The following MAP1B variants were observed in gnomAD, a reference collection of about 807,000 sequenced individuals.
MAP1B encodes microtubule associated protein 1B.
In MAP1B, 12 loss-of-function variants were observed where a neutral mutation model predicts 176.1. The ratio of observed to expected loss-of-function variants is 0.07; its 90% CI spans 0.04 to 0.11. MAP1B has a LOEUF of 0.11. Ranked by LOEUF, MAP1B falls within the 10% of genes least tolerant of loss-of-function variation. The probability of loss-of-function intolerance (pLI) is 1.00; values close to 1 mark genes in which losing one functional copy is unlikely to be tolerated. For missense variants in MAP1B, 2,523 were observed against 2,990.5 expected (o/e 0.84, Z 3.65); for synonymous variants, 1,044 against 1,135.0 (o/e 0.92, Z 1.61).
chr5:72,192,261 A>G (rs1280938134), intron 4 of MAP1B, among the ~76,000 whole-genome samples: 2 of 152,182 alleles, frequency 1.3e-5, no homozygotes, highest in African/African-American at 4.8e-5. Context: ...TTGATGCCCT[A>G]TGTTTGCTTT....
intron 2 of MAP1B, among the ~76,000 whole-genome samples, chr5:72,170,261 G>C (rs1260661916): frequency 6.6e-6 from 1 of 152,172 alleles, no homozygotes; most frequent in Admixed American, 6.5e-5. Context: ...GTCAAAGTAT[G>C]ATTCTCCATA....
At position 72,197,928 on chromosome 5, in the gene MAP1B, A is replaced by G. The variant is rs1241842869; in HGVS notation, c.4573A>G (p.Thr1525Ala). The G allele has an allele frequency of 1.2e-6, 2 of 1,614,216 alleles. No individual in the cohort carries two copies. Among genetic ancestry groups the G allele is most frequent in the Admixed American group, 3.3e-5 (2 of 60,030 alleles). ...EDTKMSISEG[T>A]VSDKSATPVD... Reference sequence around the variant, plus strand: ...CACTAAGATGTCCATTTCTGAAGGTACTGTCTCAGACAAGTCAGCTACTCC... The same window carrying G: ...CACTAAGATGTCCATTTCTGAAGGTGCTGTCTCAGACAAGTCAGCTACTCC... Residue 1525 changes from threonine to alanine, a missense_variant, in exon 5 of 7, where the codon ACT (threonine) becomes GCT (alanine). Thr to Ala is a moderately conservative substitution (Grantham distance 58). This residue lies in a region of MAP1B where 1,925 missense variants were observed against 2,126.0 expected (regional missense o/e 0.91). Transcript: ENST00000296755.
intron 1 of MAP1B, among the ~76,000 whole-genome samples, chr5:72,111,389 G>C (rs937882595): frequency 6.6e-6 from 1 of 152,168 alleles, no homozygotes; most frequent in African/African-American, 2.4e-5. Flanking sequence ...TGAAAAGATA[G>C]ATGAATGTAA....
intron 2 of MAP1B, among the ~76,000 whole-genome samples, chr5:72,170,420 T>G (rs983674547): frequency 3.3e-5 from 5 of 152,254 alleles, no homozygotes; most frequent in Non-Finnish European, 7.3e-5. Context: ...TACCCTTTAC[T>G]AAATGTTTTA....
intron 4 of MAP1B, among the ~76,000 whole-genome samples, chr5:72,189,218 T>C (rs1746973689): frequency 6.6e-6 from 1 of 152,216 alleles, no homozygotes; most frequent in Non-Finnish European, 1.5e-5. Flanking sequence ...GGAGTCTTAA[T>C]CACTGGAGAT....
chr5:72,110,553 G>T (rs1745312066), intron 1 of MAP1B, among the ~76,000 whole-genome samples: 1 of 152,212 alleles, frequency 6.6e-6, no homozygotes, highest in Non-Finnish European at 1.5e-5. Context: ...TGCTTCAGCC[G>T]CCAGGTCTCA....
chr5:72,186,002 T>C lies in MAP1B; in HGVS notation c.370-612T>C, dbSNP rs142268178. Among the ~76,000 whole-genome samples, 290 of 152,340 alleles carry C rather than the reference T, an allele frequency of 1.9e-3. 3 individuals are homozygous for C. Among genetic ancestry groups the C allele is most frequent in the Middle Eastern group, 3.4e-3 (1 of 294 alleles). On this transcript the variant is annotated intron_variant, in intron 3 of 6. Transcript: ENST00000296755. The surrounding 1 kb of genome is among the most constrained non-coding windows in gnomAD (Gnocchi z 4.3). The stretch of plus-strand genomic sequence containing the variant: ...AAACCATGTGCAATTATCTCAAAGA[T>C]TGCTATTTAGGGGCAGCCTTTTCTT...
At chr5:72,114,359 C>T (rs184745065) in intron 1 of MAP1B, among the ~76,000 whole-genome samples, 2 of 152,266 alleles carry the variant, frequency 1.3e-5, no homozygotes, top group Non-Finnish European at 2.9e-5. Context: ...TTTATTCCTT[C>T]AAGTCTGTAT....
intron 3 of MAP1B, among the ~76,000 whole-genome samples, chr5:72,184,109 G>A (rs1746839381): frequency 6.6e-6 from 1 of 152,220 alleles, no homozygotes; most frequent in Non-Finnish European, 1.5e-5. Flanking sequence ...GGGGGTGGTG[G>A]GGAGTGCTGC....
intron 5 of MAP1B, 70 bp downstream of exon 5, chr5:72,200,437 TC>T: frequency 6.5e-7 from 1 of 1,542,592 alleles, no homozygotes; most frequent in Non-Finnish European, 8.7e-7. Flanking sequence ...CCTTTATATT[TC>T]CCTGTTTGGC....
chr5:72,187,379 G>T (rs10037731), intron 4 of MAP1B, among the ~76,000 whole-genome samples: 2,207 of 152,282 alleles, frequency 0.014, 22 homozygotes, highest in Non-Finnish European at 0.022. Flanking sequence ...GAAGTTAGTC[G>T]TATTTTGTAA....
Position 72,194,306 on chromosome 5 carries a change from G to T in MAP1B, c.951G>T (p.Leu317Phe). 1 of 1,614,196 alleles carries T rather than the reference G, an allele frequency of 6.2e-7. No homozygotes were observed. Among genetic ancestry groups the T allele is most frequent in the Non-Finnish European group, 8.5e-7 (1 of 1,180,038 alleles). Residue 317 changes from leucine to phenylalanine, a missense_variant, in exon 5 of 7, where the codon TTG becomes TTT. Leu to Phe is a conservative substitution (Grantham distance 22). Around this residue, in one of 4 missense-constraint regions of MAP1B, gnomAD observed 307 missense variants for 438.4 expected, o/e 0.70. Transcript: ENST00000296755. The surrounding 1 kb of genome is among the most constrained non-coding windows in gnomAD (Gnocchi z 7.2). Reference sequence around the variant, plus strand: ...TCACCCACATTGGGGATGACAATTTGCCTGGAATAAACAGCATGTTACAGC... The same window carrying T: ...TCACCCACATTGGGGATGACAATTTTCCTGGAATAAACAGCATGTTACAGC... ...ILLTHIGDDN[L>F]PGINSMLQRK...
At chr5:72,135,640 C>T (rs890141675) in intron 2 of MAP1B, among the ~76,000 whole-genome samples, 14 of 152,148 alleles carry the variant, frequency 9.2e-5, no homozygotes, top group Non-Finnish European at 1.8e-4. Context: ...TACAATAGTT[C>T]TCAGTTCTCC....
At chr5:72,157,098 C>T (rs1579999351) in intron 2 of MAP1B, among the ~76,000 whole-genome samples, 1 of 152,322 alleles carries the variant, frequency 6.6e-6, no homozygotes, top group East Asian at 1.9e-4. Context: ...TTAGTCAGTG[C>T]TTAGAAAATG....
At chr5:72,146,823 G>A (rs1056097347) in intron 2 of MAP1B, among the ~76,000 whole-genome samples, 3 of 152,198 alleles carry the variant, frequency 2.0e-5, no homozygotes, top group African/African-American at 4.8e-5. Context: ...TGTACAGGAA[G>A]TATGTGCTTT....
intron 2 of MAP1B, among the ~76,000 whole-genome samples, chr5:72,133,611 T>C (rs2112144778): frequency 6.6e-6 from 1 of 152,292 alleles, no homozygotes. Flanking sequence ...TTACAGAGGA[T>C]TTATGAAAAT....
chr5:72,147,079 G>C (rs1746059921), intron 2 of MAP1B, among the ~76,000 whole-genome samples: 1 of 150,634 alleles, frequency 6.6e-6, no homozygotes, highest in Non-Finnish European at 1.5e-5. Context: ...TCCTGCCTCA[G>C]CCTCCCAAGT....
Position 72,134,606 on chromosome 5 carries a change from C to T in MAP1B, c.286+18807C>T, listed in dbSNP as rs756215489. 3.3e-4 allele frequency among the ~76,000 whole-genome samples: 50 copies of T among 151,866 alleles called. 1 individual carries two copies. The highest frequency in any genetic ancestry group is 2.9e-3 in the South Asian group (14 of 4,788). ...TTTTTTTTTAAAGAAAACTTGAAAA[C>T]GTAGAAGCAGGCATGTGCTGACTGC... On this transcript the variant is annotated intron_variant, in intron 2 of 6. Transcript: ENST00000296755.
At chr5:72,121,469 G>A (rs767801987) in intron 2 of MAP1B, among the ~76,000 whole-genome samples, 13 of 152,174 alleles carry the variant, frequency 8.5e-5, no homozygotes, top group South Asian at 4.1e-4. Flanking sequence ...TTTAAGAACC[G>A]ATGCCTTTTT....
Sources: allele counts gnomAD v4.1 joint callset (sites outside exome capture counted in the v4.1 genomes callset), GRCh38; gene constraint gnomAD v4.1.1; regional missense constraint gnomAD v4.1.1; non-coding constraint Gnocchi (gnomAD v3.1); transcripts MANE v1.5; gene names NCBI Gene and HGNC (gene_info 2026-07-23, HGNC 2026-07-21).